Variants in PCDH15 observed in about 807,000 individuals in gnomAD.
PCDH15 encodes protocadherin-15.
PCDH15 carries 129 observed loss-of-function variants against 178.5 expected under a neutral mutation model. The ratio of observed to expected loss-of-function variants is 0.72; its 90% CI spans 0.63 to 0.84. The LOEUF (loss-of-function observed/expected upper bound fraction) is 0.84, where lower values mean the gene tolerates loss of function less well. PCDH15 is among the 40% of genes least tolerant of loss of function. PCDH15 has a pLI of 0.00. For synonymous variants in PCDH15, 800 were observed against 732.0 expected, an observed-to-expected ratio of 1.09 and a Z score of -1.50; for missense variants, 2,230 against 2,099.9, an observed-to-expected ratio of 1.06 and a Z score of -1.21.
rs371690891 is a variant in PCDH15, at chr10:54,170,814, C to T, written c.1590+12630G>A. On this transcript the variant is annotated intron_variant, in intron 13 of 37. Transcript: ENST00000644397. ...TATGCTATAGTACAAGCCACTAGCC[C>T]GCCTCTTAGAACCTCTCATTTCCTT... is the stretch of plus-strand genomic sequence containing the variant. Among the ~76,000 whole-genome samples, 102 of 151,906 alleles carry T rather than the reference C, an allele frequency of 6.7e-4. No individual in the cohort carries two copies. The East Asian group carries it at 0.014, about 20-fold the overall frequency.
At chr10:55,581,121 T>C (rs952505754) in intron 2 of PCDH15, among the ~76,000 whole-genome samples, 1 of 152,164 alleles carries the variant, frequency 6.6e-6, no homozygotes, top group Admixed American at 6.5e-5. Context: ...CTAATTGTCA[T>C]TGAATCTTTA....
At chr10:54,793,767 A>AT (rs1195519330) in intron 1 of PCDH15, among the ~76,000 whole-genome samples, 4 of 148,890 alleles carry the variant, frequency 2.7e-5, no homozygotes, top group Non-Finnish European at 5.9e-5. Flanking sequence ...TTGGGGTAGG[A>AT]TAAAAAATGA....
intron 7 of PCDH15, among the ~76,000 whole-genome samples, chr10:54,321,076 A>T (rs2061570990): frequency 9.0e-6 from 1 of 110,516 alleles, no homozygotes; most frequent in African/African-American, 3.4e-5. Context: ...TTTACATTTG[A>T]CATTTTTCTC....
At chr10:54,571,075 G>A (rs1182080011) in intron 2 of PCDH15, among the ~76,000 whole-genome samples, 1 of 152,026 alleles carries the variant, frequency 6.6e-6, no homozygotes, top group Non-Finnish European at 1.5e-5. Context: ...TCAAAGAACT[G>A]AGAGCCCAAT....
chr10:54,879,513 T>C (rs1464791003), intron 3 of PCDH15, among the ~76,000 whole-genome samples: 3 of 152,044 alleles, frequency 2.0e-5, no homozygotes, highest in Admixed American at 1.3e-4. Flanking sequence ...ACATTCATTA[T>C]TCAATAAACT....
intron 1 of PCDH15, among the ~76,000 whole-genome samples, chr10:55,226,966 G>T (rs1434006482): frequency 6.6e-6 from 1 of 151,816 alleles, no homozygotes; most frequent in Non-Finnish European, 1.5e-5. Context: ...ATGGACAAGA[G>T]ATTAACAAAA....
chr10:55,234,139 C>G (rs1292858675), intron 1 of PCDH15, among the ~76,000 whole-genome samples: 1 of 152,040 alleles, frequency 6.6e-6, no homozygotes, highest in East Asian at 1.9e-4. Context: ...CATATACACA[C>G]ATCAAATTAA....
chr10:55,295,600 A>G (rs1216406838), intron 1 of PCDH15, among the ~76,000 whole-genome samples: 4 of 152,184 alleles, frequency 2.6e-5, no homozygotes, highest in African/African-American at 4.8e-5. Context: ...TGGGATGTCC[A>G]ATTTCTCTCT....
chr10:55,241,999 T>G (rs925093641), intron 1 of PCDH15, among the ~76,000 whole-genome samples: 1 of 152,216 alleles, frequency 6.6e-6, no homozygotes, highest in Non-Finnish European at 1.5e-5. Context: ...TGTTCTTCAT[T>G]GGTTTATTGA....
chr10:53,884,485 A>G (rs2080955245), intron 26 of PCDH15, among the ~76,000 whole-genome samples: 1 of 152,202 alleles, frequency 6.6e-6, no homozygotes, highest in African/African-American at 2.4e-5. Flanking sequence ...GCCCCCATGC[A>G]GAGTTCGCCA....
chr10:54,132,737 G>A, intron 15 of PCDH15, 138 bp downstream of exon 15: 1 of 1,423,072 alleles, frequency 7.0e-7, no homozygotes, highest in Non-Finnish European at 9.6e-7. Flanking sequence ...TTCCTTTCCA[G>A]ATGGAATTTT....
At chr10:55,528,557 C>A (rs1172494074) in intron 2 of PCDH15, among the ~76,000 whole-genome samples, 4 of 152,080 alleles carry the variant, frequency 2.6e-5, no homozygotes, top group Admixed American at 6.6e-5. Flanking sequence ...GACATGAACT[C>A]ATCATTTTTT....
At chr10:55,510,219 T>A (rs1184757353) in intron 2 of PCDH15, among the ~76,000 whole-genome samples, 1 of 152,016 alleles carries the variant, frequency 6.6e-6, no homozygotes, top group Non-Finnish European at 1.5e-5. Context: ...TGCAATATGT[T>A]TTTTGAATAT....
At chr10:54,986,586 T>C (rs568869895) in intron 2 of PCDH15, among the ~76,000 whole-genome samples, 31 of 152,288 alleles carry the variant, frequency 2.0e-4, no homozygotes, top group African/African-American at 6.3e-4. Context: ...ATCAGTGCTA[T>C]GATTATCTCC....
At chr10:54,611,033 A>G (rs2092943669) in intron 2 of PCDH15, among the ~76,000 whole-genome samples, 1 of 151,906 alleles carries the variant, frequency 6.6e-6, no homozygotes, top group Non-Finnish European at 1.5e-5. Context: ...TTAAATATAT[A>G]AATGTCTTAA....
At chr10:55,483,295 T>C (rs1348153453) in intron 2 of PCDH15, among the ~76,000 whole-genome samples, 1 of 151,154 alleles carries the variant, frequency 6.6e-6, no homozygotes, top group Non-Finnish European at 1.5e-5. Context: ...AAAAAATCCA[T>C]AAAAAAGTGG....
intron 3 of PCDH15, among the ~76,000 whole-genome samples, chr10:54,456,048 G>A (rs1344361978): frequency 6.6e-6 from 1 of 152,198 alleles, no homozygotes; most frequent in East Asian, 1.9e-4. Flanking sequence ...GTTTGCTGTG[G>A]GAGCAGAGCC....
At chr10:54,497,446 G>T (rs1565427281) in intron 3 of PCDH15, among the ~76,000 whole-genome samples, 5 of 152,148 alleles carry the variant, frequency 3.3e-5, no homozygotes, top group South Asian at 4.1e-4. Context: ...TTCTCATGCA[G>T]ATTGAAATGG....
At chr10:54,611,445 C>T (rs1454467914) in intron 2 of PCDH15, among the ~76,000 whole-genome samples, 1 of 151,714 alleles carries the variant, frequency 6.6e-6, no homozygotes, top group East Asian at 1.9e-4. Context: ...TAAATATTCC[C>T]ACTATAAGCT....
Sources: allele counts gnomAD v4.1 joint callset (sites outside exome capture counted in the v4.1 genomes callset), GRCh38; gene constraint gnomAD v4.1.1; transcripts MANE v1.5; gene names NCBI Gene and HGNC (gene_info 2026-07-23, HGNC 2026-07-21).